The following TARS3 variants were observed in gnomAD, a reference collection of about 807,000 sequenced individuals.
TARS3 encodes threonine--tRNA ligase 2, cytoplasmic.
In TARS3, 94 loss-of-function variants were observed where a neutral mutation model predicts 103.5. That is an observed-to-expected ratio of 0.91 (90% CI 0.77 to 1.08). The LOEUF (loss-of-function observed/expected upper bound fraction) is 1.08. TARS3 is among the 50% of genes least tolerant of loss of function. TARS3 has a pLI of 0.00. For synonymous variants in TARS3, 416 were observed against 355.4 expected (o/e 1.17, Z -1.92); for missense variants, 952 against 995.2 (o/e 0.96, Z 0.58).
At position 101,678,389 on chromosome 15, in the gene TARS3, C is replaced by T. The variant is rs183436964; in HGVS notation, c.1651-2652G>A. On this transcript the variant is annotated intron_variant, in intron 12 of 18. Transcript: ENST00000335968. The stretch of plus-strand genomic sequence containing the variant: ...TGCCTTTTTGTTTCCTTCTTGTTCT[C>T]TCTTGTTATTCATTTCTGTTTTATT... Among the ~76,000 whole-genome samples, 29 of 152,258 alleles carry T rather than the reference C, an allele frequency of 1.9e-4. 1 individual carries two copies. Among genetic ancestry groups the T allele is most frequent in the East Asian group, 3.9e-4 (2 of 5,188 alleles).
intron 10 of TARS3, among the ~76,000 whole-genome samples, chr15:101,697,086 T>C (rs2141422720): frequency 6.6e-6 from 1 of 152,302 alleles, no homozygotes; most frequent in South Asian, 2.1e-4. Flanking sequence ...TATTTATACT[T>C]GGCCAATCTC....
chr15:101,668,643 C>T (rs571638552), intron 15 of TARS3, among the ~76,000 whole-genome samples: 3 of 152,242 alleles, frequency 2.0e-5, no homozygotes, highest in South Asian at 2.1e-4. Flanking sequence ...AAAAATGCAA[C>T]GTCTGCGAAG....
chr15:101,657,074 G>C (rs963252784), intron 17 of TARS3, 38 bp from the exon 18 acceptor site: 1 of 1,366,034 alleles, frequency 7.3e-7, no homozygotes, highest in African/African-American at 1.4e-5. Context: ...TTACATTATG[G>C]TACCTAGCCT....
intron 3 of TARS3, among the ~76,000 whole-genome samples, chr15:101,717,862 T>C (rs1402185038): frequency 6.6e-6 from 1 of 152,222 alleles, no homozygotes; most frequent in African/African-American, 2.4e-5. Context: ...AGCAGCTTAG[T>C]ATATATCTTA....
rs1897125492 is a variant in TARS3 at position 101,654,488 on chromosome 15, G to C, written c.*94C>G. The C allele has an allele frequency of 1.5e-5, 20 of 1,364,756 alleles. No individual in the cohort carries two copies. Among genetic ancestry groups the C allele is most frequent in the Non-Finnish European group, 1.9e-5 (19 of 1,001,746 alleles). 84.5% of individuals were successfully genotyped at this position (1,364,756 alleles called of 1,614,324 possible). On this transcript the variant is annotated 3_prime_UTR_variant, in exon 19 of 19. Transcript: ENST00000335968. Reference sequence around the variant, plus strand: ...TGAGGCCATGAGTGGACCCATCAGTGGCTCCAAAGTCGTAGAAGTACTAAC... The same window carrying C: ...TGAGGCCATGAGTGGACCCATCAGTCGCTCCAAAGTCGTAGAAGTACTAAC...
intron 10 of TARS3, among the ~76,000 whole-genome samples, chr15:101,687,264 G>A (rs1447801811): frequency 1.3e-5 from 2 of 151,994 alleles, no homozygotes; most frequent in Non-Finnish European, 2.9e-5. Context: ...TTAGCCAGGC[G>A]TGGTGGCACA....
chr15:101,657,158 G>C, intron 17 of TARS3, 122 bp from the exon 18 acceptor site: 1 of 611,226 alleles, frequency 1.6e-6, no homozygotes, highest in Admixed American at 3.1e-5. Flanking sequence ...ATACCAGAGC[G>C]GGTCTGCGTG....
chr15:101,657,759 T>C (rs756277089), intron 17 of TARS3, 26 bp downstream of exon 17: 22 of 1,519,452 alleles, frequency 1.4e-5, no homozygotes, highest in Non-Finnish European at 1.9e-5. Context: ...AAGATTATTA[T>C]GTACTTTAAA....
chr15:101,665,164 T>C (rs1315575975), intron 15 of TARS3, among the ~76,000 whole-genome samples: 2 of 152,138 alleles, frequency 1.3e-5, no homozygotes, highest in South Asian at 2.1e-4. Context: ...AGCGGAGGTA[T>C]AGTACCAAAG....
chr15:101,719,273 G>C (rs910749365), intron 3 of TARS3, among the ~76,000 whole-genome samples: 1 of 152,222 alleles, frequency 6.6e-6, no homozygotes, highest in African/African-American at 2.4e-5. Flanking sequence ...TGCACGTGTG[G>C]TGTGAGCAGA....
intron 17 of TARS3, among the ~76,000 whole-genome samples, 153 bp from the exon 18 acceptor site, chr15:101,657,189 T>A (rs910369262): frequency 1.3e-5 from 2 of 152,224 alleles, no homozygotes; most frequent in Admixed American, 6.5e-5. Flanking sequence ...AGTGCGGAAG[T>A]GTCGGCGCAT....
chr15:101,671,967 G>A (rs1897824557), intron 13 of TARS3, among the ~76,000 whole-genome samples: 1 of 152,144 alleles, frequency 6.6e-6, no homozygotes, highest in African/African-American at 2.4e-5. Flanking sequence ...CAACTGGGGA[G>A]AAAAGATCAT....
At position 101,671,543 on chromosome 15, in the gene TARS3, C is replaced by T; in HGVS notation, c.1910G>A (p.Cys637Tyr). 1 of 1,612,244 alleles carries T rather than the reference C, an allele frequency of 6.2e-7. No individual in the cohort carries two copies. Among genetic ancestry groups the T allele is most frequent in the Non-Finnish European group, 8.5e-7 (1 of 1,178,382 alleles). ...IKDAIGRYHQ[C>Y]ATIQLDFQLP... ...TTGGAAGTCCAGCTGAATTGTAGCA[C>T]ATTGATGGTATCTGCCAATAGCATC... Residue 637 changes from cysteine (C) to tyrosine (Y), a missense_variant, in exon 15 of 19, where the codon TGT (cysteine) becomes TAT (tyrosine). By Grantham distance (194) the Cys-to-Tyr change is radical. Transcript: ENST00000335968.
At chr15:101,703,766 C>G in intron 8 of TARS3, 93 bp downstream of exon 8, 1 of 760,300 alleles carries the variant, frequency 1.3e-6, no homozygotes, top group African/African-American at 1.8e-5. Context: ...GATGTTCAGA[C>G]TACAAAAGAT....
chr15:101,673,739 A>T (rs1394763388), intron 13 of TARS3, among the ~76,000 whole-genome samples: 1 of 152,096 alleles, frequency 6.6e-6, no homozygotes, highest in Non-Finnish European at 1.5e-5. Context: ...TTGTCCATGC[A>T]GTGGATGTGG....
chr15:101,663,191 A>C (rs1001169086), intron 15 of TARS3, among the ~76,000 whole-genome samples: 3 of 152,180 alleles, frequency 2.0e-5, no homozygotes, highest in Non-Finnish European at 2.9e-5. Flanking sequence ...GAAGCTGAAA[A>C]AAATTTTTTT....
In TARS3 at chr15:101,653,916, AGCTGAAAC is replaced by A. The variant is rs1214630537; in HGVS notation, c.*658_*665del. ...CGGCTTAGTGGTGGTAGAAGCCCACAGCTGAAACGCTGGAAACACTGATGCAATTCATT... is the reference window on the plus strand; with the variant it reads ...CGGCTTAGTGGTGGTAGAAGCCCACAGCTGGAAACACTGATGCAATTCATT... On this transcript the variant is annotated 3_prime_UTR_variant, in exon 19 of 19. Transcript: ENST00000335968. 3.3e-5 allele frequency: 5 copies of A among 152,294 alleles called. No homozygotes were observed. The highest frequency in any genetic ancestry group is 1.2e-4 in the African/African-American group (5 of 41,474). The allele number at this position is 152,294 out of a possible 1,614,324, so 9.4% of individuals were successfully genotyped here. A position where few individuals can be genotyped will look rare whatever the true frequency, so the allele number is the denominator to read the frequency against.
At chr15:101,697,404 G>C (rs772273811) in intron 10 of TARS3, among the ~76,000 whole-genome samples, 1 of 152,176 alleles carries the variant, frequency 6.6e-6, no homozygotes, top group African/African-American at 2.4e-5. Context: ...GGTACCCAAA[G>C]AACTCATGGA....
At chr15:101,676,104 C>T (rs372965962) in intron 12 of TARS3, among the ~76,000 whole-genome samples, 22 of 152,126 alleles carry the variant, frequency 1.4e-4, no homozygotes, top group East Asian at 7.7e-4. Context: ...TTGAAGGCTC[C>T]GTGGACAGAG....
Sources: allele counts gnomAD v4.1 joint callset (sites outside exome capture counted in the v4.1 genomes callset), GRCh38; gene constraint gnomAD v4.1.1; transcripts MANE v1.5; gene names NCBI Gene and HGNC (gene_info 2026-07-23, HGNC 2026-07-21).